Variants in TTLL7 observed in about 807,000 individuals in gnomAD.
TTLL7 encodes the protein tubulin tyrosine ligase like 7, also known as tubulin polyglutamylase TTLL7.
Under a neutral mutation model 120.2 loss-of-function variants are expected in TTLL7, and 53 were observed. The observed-to-expected ratio is 0.44, with a 90% confidence interval of 0.35 to 0.55. The LOEUF is 0.55. TTLL7 is among the 20% of genes least tolerant of loss of function. The pLI, the probability that TTLL7 is intolerant of heterozygous loss-of-function variation, is 0.00. For missense variants in TTLL7, 803 were observed against 1,054.7 expected (o/e 0.76, Z 3.31); for synonymous variants, 353 against 351.7 (o/e 1.00, Z -0.04).
At chr1:83,939,297 T>C (rs917122741) in intron 7 of TTLL7, among the ~76,000 whole-genome samples, 1 of 152,186 alleles carries the variant, frequency 6.6e-6, no homozygotes, top group African/African-American at 2.4e-5. Context: ...AAAATACAAA[T>C]TTTCTTTAAC....
chr1:83,984,860 C>A (rs1375569518), intron 1 of TTLL7, among the ~76,000 whole-genome samples: 1 of 152,068 alleles, frequency 6.6e-6, no homozygotes, highest in Non-Finnish European at 1.5e-5. Context: ...TATCCATATT[C>A]CAAACCTCAG....
Position 83,865,986 on chromosome 1 carries a change from G to A in TTLL7, c.*3976C>T, listed in dbSNP as rs558383901. 2.6e-5 allele frequency: 4 copies of A among 151,556 alleles called. No individual in the cohort carries two copies. The East Asian group carries it at 5.8e-4, about 22-fold the overall frequency. 9.4% of individuals were successfully genotyped at this position (151,556 alleles called of 1,614,324 possible). A position where few individuals can be genotyped will look rare whatever the true frequency, so the allele number is the denominator to read the frequency against. ...CCCAAAATATTTAGATAACTAATACGGCCCTTGAAAACTTAAATTTCTTAA... is the reference window on the plus strand; with the variant it reads ...CCCAAAATATTTAGATAACTAATACAGCCCTTGAAAACTTAAATTTCTTAA... On this transcript the variant is annotated 3_prime_UTR_variant, in exon 21 of 21. Coordinates refer to ENST00000260505, the MANE Select transcript of TTLL7 (RefSeq NM_024686.6).
intron 18 of TTLL7, among the ~76,000 whole-genome samples, chr1:83,896,631 C>A (rs1026558340): frequency 6.6e-6 from 1 of 151,916 alleles, no homozygotes; most frequent in Non-Finnish European, 1.5e-5. Context: ...AAAACAGAGA[C>A]GGAAAATAGT....
rs185980091 is a variant in TTLL7, at chr1:83,970,058, G to A, written c.-176-17671C>T. Among the ~76,000 whole-genome samples, 3 of 151,986 alleles carry A rather than the reference G, an allele frequency of 2.0e-5. No homozygotes were observed. In the East Asian group the frequency reaches 5.8e-4, roughly 29 times the overall value. ...GGATGTTTTAAAGCAATGATGAAAA[G>A]AATCAATTATGAATCATACACCAGG... is the stretch of plus-strand genomic sequence containing the variant. On this transcript the variant is annotated intron_variant, in intron 1 of 20. Transcript: ENST00000260505.
chr1:83,998,603 C>G (rs1027425584), intron 1 of TTLL7, among the ~76,000 whole-genome samples: 1 of 152,218 alleles, frequency 6.6e-6, no homozygotes, highest in Non-Finnish European at 1.5e-5. Flanking sequence ...AATAAACCAG[C>G]AGGGAGCCTC....
At chr1:83,984,359 G>A (rs1174555386) in intron 1 of TTLL7, 1 of 152,196 alleles carries the variant, frequency 6.6e-6, no homozygotes, top group Non-Finnish European at 1.5e-5. Flanking sequence ...AGGCAGTTTG[G>A]AGATTTCTCA....
At chr1:83,892,707 CATAT>C (rs1176365335) in intron 18 of TTLL7, among the ~76,000 whole-genome samples, 1 of 140,860 alleles carries the variant, frequency 7.1e-6, no homozygotes, top group African/African-American at 2.8e-5. Context: ...TATATATGAA[CATAT>C]GAACATATAT....
intron 7 of TTLL7, among the ~76,000 whole-genome samples, 187 bp from the exon 8 acceptor site, chr1:83,938,203 G>A (rs888873993): frequency 3.0e-4 from 46 of 152,186 alleles, no homozygotes; most frequent in African/African-American, 9.9e-4. Context: ...TAAAAGGGTT[G>A]AGAATGTAGT....
At chr1:83,996,185 G>A (rs553429961) in intron 1 of TTLL7, among the ~76,000 whole-genome samples, 75 of 152,156 alleles carry the variant, frequency 4.9e-4, no homozygotes, top group African/African-American at 1.7e-3. Context: ...TCTAATGGGG[G>A]CCGGAGCTAA....
intron 19 of TTLL7, among the ~76,000 whole-genome samples, chr1:83,889,652 G>T (rs1557552974): frequency 6.6e-6 from 1 of 152,014 alleles, no homozygotes; most frequent in Non-Finnish European, 1.5e-5. Flanking sequence ...TAAGTAATAT[G>T]GTTAGTTATT....
chr1:83,892,365 T>C (rs1297267356), intron 18 of TTLL7, among the ~76,000 whole-genome samples: 1 of 132,022 alleles, frequency 7.6e-6, no homozygotes, highest in African/African-American at 2.7e-5. Context: ...TATGAATATA[T>C]ATACGAATAT....
At chr1:83,956,189 C>T (rs1369875163) in intron 1 of TTLL7, among the ~76,000 whole-genome samples, 1 of 151,974 alleles carries the variant, frequency 6.6e-6, no homozygotes, top group Non-Finnish European at 1.5e-5. Flanking sequence ...AACTCTTGGG[C>T]TCCACAATCC....
intron 8 of TTLL7, among the ~76,000 whole-genome samples, chr1:83,935,743 A>G (rs1376999581): frequency 6.6e-6 from 1 of 152,158 alleles, no homozygotes; most frequent in East Asian, 1.9e-4. Flanking sequence ...GGGAATTTGT[A>G]AACTAAGACA....
At chr1:83,927,221 T>G (rs1026368941) in intron 10 of TTLL7, among the ~76,000 whole-genome samples, 1 of 152,176 alleles carries the variant, frequency 6.6e-6, no homozygotes, top group Non-Finnish European at 1.5e-5. Context: ...TACTAAGCAC[T>G]GTGAAGCATG....
At position 83,867,509 on chromosome 1, in the gene TTLL7, T is replaced by A. The variant is rs559985546; in HGVS notation, c.*2453A>T. 1.3e-5 allele frequency: 2 copies of A among 150,496 alleles called. No homozygotes were observed. The highest frequency in any genetic ancestry group is 2.1e-4 in the South Asian group (1 of 4,782). The allele number at this position is 150,496 out of a possible 1,614,324, so 9.3% of individuals were successfully genotyped here. A position where few individuals can be genotyped will look rare whatever the true frequency, so the allele number is the denominator to read the frequency against. On this transcript the variant is annotated 3_prime_UTR_variant, in exon 21 of 21. Transcript: ENST00000260505. ...AATTTGTGGGGTACTTTCATACATTTAAATTTACTCAGTTTTTAAATTGTG... is the reference window on the plus strand; with the variant it reads ...AATTTGTGGGGTACTTTCATACATTAAAATTTACTCAGTTTTTAAATTGTG...
Position 83,878,364 on chromosome 1 carries a change from GATT to G in TTLL7, c.2543+4596_2543+4598del, listed in dbSNP as rs1410806778. The stretch of plus-strand genomic sequence containing the variant: ...CTTTACTGAGTTTTTTCTGAGAAAT[GATT>G]ATTAAATCTTCCTCTATGGTTGTAA... On this transcript the variant is annotated intron_variant, in intron 20 of 20. Transcript: ENST00000260505. Among the ~76,000 whole-genome samples, 3 of 151,860 alleles carry G rather than the reference GATT, an allele frequency of 2.0e-5. No individual in the cohort carries two copies. The East Asian group carries it at 5.8e-4, about 29-fold the overall frequency.
intron 12 of TTLL7, among the ~76,000 whole-genome samples, chr1:83,920,290 G>C (rs1370516220): frequency 1.3e-5 from 2 of 152,080 alleles, no homozygotes; most frequent in Admixed American, 6.6e-5. Flanking sequence ...GGGCAAATTG[G>C]AGAAATACTG....
At chr1:83,917,514 TA>T in intron 14 of TTLL7, 89 bp downstream of exon 14, 1 of 963,620 alleles carries the variant, frequency 1.0e-6, no homozygotes, top group Non-Finnish European at 1.6e-6. Context: ...GTTCCTTTTT[TA>T]AAGCAGCACC....
intron 20 of TTLL7, among the ~76,000 whole-genome samples, chr1:83,878,076 C>T (rs1654093953): frequency 6.6e-6 from 1 of 151,562 alleles, no homozygotes; most frequent in Non-Finnish European, 1.5e-5. Context: ...TTATTTGATT[C>T]GTGGATTATT....
Sources: gnomAD v4.1 joint callset for allele counts (sites outside exome capture counted in the v4.1 genomes callset) on GRCh38, gnomAD v4.1.1 for gene constraint, MANE v1.5 for transcripts, NCBI Gene and HGNC (gene_info 2026-07-23, HGNC 2026-07-21) for gene names.